Variants in SEMA5A observed in about 807,000 individuals in gnomAD.
SEMA5A encodes semaphorin-5A.
A neutral mutation model predicts 135.5 loss-of-function variants in SEMA5A; 55 were observed. The ratio of observed to expected loss-of-function variants is 0.41; its 90% CI spans 0.33 to 0.51. SEMA5A has a LOEUF of 0.51. SEMA5A is among the 20% of genes least tolerant of loss of function. The probability of loss-of-function intolerance (pLI) is 0.37; values close to 1 mark genes in which losing one functional copy is unlikely to be tolerated. For missense variants in SEMA5A, 1,290 were observed against 1,419.9 expected (o/e 0.91, Z 1.47); for synonymous variants, 580 against 546.5 (o/e 1.06, Z -0.85).
At chr5:9,368,721 T>C (rs1341851271) in intron 3 of SEMA5A, among the ~76,000 whole-genome samples, 1 of 152,242 alleles carries the variant, frequency 6.6e-6, no homozygotes, top group East Asian at 1.9e-4. Context: ...TTGCTATCTG[T>C]ATTTGTAGTT....
chr5:9,171,243 T>A (rs970934019), intron 11 of SEMA5A, among the ~76,000 whole-genome samples: 29 of 152,148 alleles, frequency 1.9e-4, no homozygotes, highest in Non-Finnish European at 1.5e-5. Context: ...GAGAAATTCA[T>A]TCACCCTGAA....
chr5:9,100,445 T>G (rs1358585816), intron 16 of SEMA5A, among the ~76,000 whole-genome samples: 2 of 152,106 alleles, frequency 1.3e-5, no homozygotes, highest in Non-Finnish European at 2.9e-5. Context: ...TTAGTGAAAG[T>G]GCAGCCTGGG....
chr5:9,349,856 T>G (rs1159330049), intron 3 of SEMA5A, among the ~76,000 whole-genome samples: 5 of 151,938 alleles, frequency 3.3e-5, no homozygotes, highest in Non-Finnish European at 5.9e-5. Flanking sequence ...GTGCCGAGAT[T>G]GCGCCACTGC....
At position 9,124,809 on chromosome 5, in the gene SEMA5A, G is replaced by T. The variant is rs148760202; in HGVS notation, c.1600-1972C>A. On this transcript the variant is annotated intron_variant, in intron 13 of 22. Coordinates refer to ENST00000382496, the MANE Select transcript of SEMA5A (RefSeq NM_003966.3). ...CTTCAGCATCCTTGAGAAAATCTGAGCAAGGAAGACCTTTGGTGATGAGTG... is the reference window on the plus strand; with the variant it reads ...CTTCAGCATCCTTGAGAAAATCTGATCAAGGAAGACCTTTGGTGATGAGTG... 5.9e-5 allele frequency among the ~76,000 whole-genome samples: 9 copies of T among 152,222 alleles called. No homozygotes were observed. The East Asian group carries it at 1.7e-3, about 29-fold the overall frequency.
chr5:9,097,807 T>C (rs1236655165), intron 16 of SEMA5A, among the ~76,000 whole-genome samples: 1 of 152,160 alleles, frequency 6.6e-6, no homozygotes, highest in African/African-American at 2.4e-5. Context: ...AAAGGTAGAA[T>C]GAGCTATACA....
At chr5:9,151,137 G>A (rs141858530) in intron 12 of SEMA5A, among the ~76,000 whole-genome samples, 11 of 152,218 alleles carry the variant, frequency 7.2e-5, no homozygotes, top group African/African-American at 1.2e-4. Context: ...TAATAATCCC[G>A]CCAAATTCTC....
chr5:9,464,048 G>C (rs921219400), intron 1 of SEMA5A, among the ~76,000 whole-genome samples: 28 of 152,098 alleles, frequency 1.8e-4, no homozygotes, highest in Non-Finnish European at 3.7e-4. Flanking sequence ...TGTCATGGGG[G>C]AGCTGGTCTG....
chr5:9,414,640 G>A (rs578029876), intron 2 of SEMA5A, among the ~76,000 whole-genome samples: 1 of 152,250 alleles, frequency 6.6e-6, no homozygotes, highest in South Asian at 2.1e-4. Context: ...CAAAACATTA[G>A]CAGAACCTAC....
At chr5:9,538,012 A>G (rs1374488322) in intron 1 of SEMA5A, among the ~76,000 whole-genome samples, 1 of 152,182 alleles carries the variant, frequency 6.6e-6, no homozygotes, top group East Asian at 1.9e-4. Flanking sequence ...GGTGCCCACA[A>G]GAGAGCTGAG....
intron 2 of SEMA5A, among the ~76,000 whole-genome samples, chr5:9,381,984 G>A (rs958666940): frequency 2.5e-5 from 2 of 81,560 alleles, no homozygotes; most frequent in Admixed American, 1.0e-4. Context: ...GTGTGTGTGC[G>A]CGCGCGCGCA....
chr5:9,090,177 G>A (rs777390019), intron 16 of SEMA5A, among the ~76,000 whole-genome samples: 4 of 152,150 alleles, frequency 2.6e-5, no homozygotes, highest in East Asian at 1.9e-4. Context: ...AGGGCTCTCT[G>A]TGCCCAGGTG....
intron 14 of SEMA5A, among the ~76,000 whole-genome samples, chr5:9,121,557 CTTG>C (rs1169309555): frequency 2.0e-5 from 3 of 152,192 alleles, no homozygotes; most frequent in African/African-American, 7.2e-5. Context: ...GTATTAGCTA[CTTG>C]TTGTAATCTT....
intron 11 of SEMA5A, among the ~76,000 whole-genome samples, chr5:9,155,285 T>C (rs898830608): frequency 6.6e-6 from 1 of 152,122 alleles, no homozygotes; most frequent in East Asian, 1.9e-4. Context: ...CTCCAAACTT[T>C]CTTTCTTGTG....
At chr5:9,266,007 C>A (rs372191440) in intron 5 of SEMA5A, among the ~76,000 whole-genome samples, 23 of 152,222 alleles carry the variant, frequency 1.5e-4, no homozygotes, top group African/African-American at 5.5e-4. Context: ...CCCACATTTT[C>A]TCCCACTTAC....
At chr5:9,154,780 C>G (rs949355828) in intron 11 of SEMA5A, 85 bp from the exon 12 acceptor site, 2 of 1,189,630 alleles carry the variant, frequency 1.7e-6, no homozygotes, top group African/African-American at 3.0e-5. Flanking sequence ...GCTGTGTATG[C>G]AGCCATGGAT....
At chr5:9,498,083 A>G (rs373514305) in intron 1 of SEMA5A, among the ~76,000 whole-genome samples, 2 of 152,212 alleles carry the variant, frequency 1.3e-5, no homozygotes, top group African/African-American at 2.4e-5. Context: ...TGATAGTTTA[A>G]AAAAGCCTTC....
chr5:9,455,114 C>A (rs1758781567), intron 1 of SEMA5A, among the ~76,000 whole-genome samples: 1 of 152,130 alleles, frequency 6.6e-6, no homozygotes, highest in African/African-American at 2.4e-5. Context: ...AATTTTCATT[C>A]CACCAGCATA....
chr5:9,099,952 A>ATC (rs1739529779), intron 16 of SEMA5A, among the ~76,000 whole-genome samples: 1 of 152,196 alleles, frequency 6.6e-6, no homozygotes, highest in Admixed American at 6.5e-5. Context: ...CCTGTCCTGT[A>ATC]TCTCTCTCTA....
At chr5:9,185,442 A>G (rs1340718540) in intron 11 of SEMA5A, among the ~76,000 whole-genome samples, 2 of 152,230 alleles carry the variant, frequency 1.3e-5, no homozygotes, top group Non-Finnish European at 2.9e-5. Context: ...GTTTGAAATG[A>G]AAAACAATGA....
Sources: allele counts gnomAD v4.1 joint callset (sites outside exome capture counted in the v4.1 genomes callset), GRCh38; gene constraint gnomAD v4.1.1; transcripts MANE v1.5; gene names NCBI Gene and HGNC (gene_info 2026-07-23, HGNC 2026-07-21).